Variants in TNR observed in about 807,000 individuals in gnomAD.
TNR encodes the protein tenascin-R.
In TNR, 45 loss-of-function variants were observed where a neutral mutation model predicts 150.4. That is an observed-to-expected ratio of 0.30 (90% CI 0.24 to 0.38). The LOEUF is 0.38. Ranked by LOEUF, TNR falls within the 10% of genes least tolerant of loss-of-function variation. The pLI, the probability that TNR is intolerant of heterozygous loss-of-function variation, is 1.00. For synonymous variants in TNR, 687 were observed against 678.4 expected (o/e 1.01, Z -0.20); for missense variants, 1,544 against 1,759.1 (o/e 0.88, Z 2.19).
At chr1:175,428,525 C>T (rs183640700) in intron 2 of TNR, among the ~76,000 whole-genome samples, 157 of 152,180 alleles carry the variant, frequency 1.0e-3, no homozygotes, top group Non-Finnish European at 1.7e-3. Flanking sequence ...CCCTGGAAGT[C>T]GAAGTTATTA....
intron 20 of TNR, among the ~76,000 whole-genome samples, chr1:175,331,007 T>TTCTTTCTTTCTTTCTTTCTTTCTTTC (rs1649733270): frequency 2.4e-5 from 1 of 42,116 alleles, no homozygotes; most frequent in Non-Finnish European, 4.7e-5. Flanking sequence ...GATTCTTTCT[T>TTCTTTCTTTCTTTCTTTCTTTCTTTC]TCTTTCTTTC....
intron 1 of TNR, among the ~76,000 whole-genome samples, chr1:175,580,025 G>C (rs1662287956): frequency 6.6e-6 from 1 of 152,152 alleles, no homozygotes; most frequent in Non-Finnish European, 1.5e-5. Flanking sequence ...CCACCATCAA[G>C]GCATTCACCT....
chr1:175,323,048 A>G lies in TNR; in HGVS notation c.*309T>C, dbSNP rs1037127877. 1 of 243,100 alleles carries G rather than the reference A, an allele frequency of 4.1e-6. No individual in the cohort carries two copies. The highest frequency in any genetic ancestry group is 2.2e-5 in the African/African-American group (1 of 44,484). The allele number at this position is 243,100 out of a possible 1,614,324, so 15.1% of individuals were successfully genotyped here. A position where few individuals can be genotyped will look rare whatever the true frequency, so the allele number is the denominator to read the frequency against. On this transcript the variant is annotated 3_prime_UTR_variant, in exon 23 of 23. Coordinates refer to ENST00000367674, the MANE Select transcript of TNR (RefSeq NM_003285.3). ...AAATGTGTGTGCCTGTCACCATAAC[A>G]ATCTGCACCCCACGACTTGGCTTTG...
intron 2 of TNR, among the ~76,000 whole-genome samples, chr1:175,495,020 A>T (rs1375604756): frequency 6.6e-6 from 1 of 152,188 alleles, no homozygotes; most frequent in African/African-American, 2.4e-5. Context: ...CACTGTCTTC[A>T]GCGTTCACTT....
At chr1:175,663,334 G>A (rs875410) in intron 1 of TNR, among the ~76,000 whole-genome samples, 3,064 of 152,290 alleles carry the variant, frequency 0.02, 100 homozygotes, top group African/African-American at 0.07. Context: ...GTATGAGGGA[G>A]AAGAGAACTG....
chr1:175,661,387 T>C (rs10753108), intron 1 of TNR, among the ~76,000 whole-genome samples: 69,698 of 151,948 alleles, frequency 0.46, 17,124 homozygotes, highest in Admixed American at 0.58. Flanking sequence ...CCCTAAATGT[T>C]GATGTAATTG....
intron 1 of TNR, among the ~76,000 whole-genome samples, chr1:175,568,503 C>A (rs868841750): frequency 9.8e-5 from 15 of 152,298 alleles, no homozygotes; most frequent in African/African-American, 3.6e-4. Flanking sequence ...GATCTGTCTC[C>A]CTCCATCCAT....
chr1:175,682,723 A>G (rs927841343), intron 1 of TNR, among the ~76,000 whole-genome samples: 3 of 151,984 alleles, frequency 2.0e-5, no homozygotes, highest in African/African-American at 7.3e-5. Flanking sequence ...GACTGCTTGG[A>G]CTTCAGGTGG....
intron 2 of TNR, among the ~76,000 whole-genome samples, chr1:175,446,331 T>G (rs1656043408): frequency 6.6e-6 from 1 of 152,224 alleles, no homozygotes. Flanking sequence ...GAAGCGGGGC[T>G]CTGTCACATC....
intron 1 of TNR, among the ~76,000 whole-genome samples, chr1:175,590,052 C>T (rs576499209): frequency 1.3e-5 from 2 of 152,216 alleles, no homozygotes; most frequent in East Asian, 3.9e-4. Flanking sequence ...GCCTCAGACC[C>T]TAGTATGATT....
intron 2 of TNR, among the ~76,000 whole-genome samples, chr1:175,479,968 T>C (rs990857610): frequency 1.1e-4 from 16 of 152,240 alleles, no homozygotes; most frequent in African/African-American, 3.9e-4. Context: ...CCTGTCTTCA[T>C]GTTCCTCAGA....
intron 2 of TNR, among the ~76,000 whole-genome samples, chr1:175,442,421 A>G (rs1475472289): frequency 1.3e-5 from 2 of 148,856 alleles, no homozygotes; most frequent in East Asian, 1.9e-4. Flanking sequence ...AGAGGGTGGA[A>G]GATCTGGAGA....
At position 175,331,051 on chromosome 1, in the gene TNR, T is replaced by TTCTTTCTG. The variant is rs1553203321; in HGVS notation, c.3632-817_3632-816insCAGAAAGA. Among the ~76,000 whole-genome samples, 400 of 106,768 alleles carry TTCTTTCTG rather than the reference T, an allele frequency of 3.7e-3. 13 individuals carry two copies. Among genetic ancestry groups the TTCTTTCTG allele is most frequent in the African/African-American group, 0.014 (376 of 27,850 alleles). The allele number at this position is 106,768 out of a possible 152,430, so 70.0% of individuals were successfully genotyped here. ...TTTCTTTCTTTCTTTCTTTCTTTCTTTCTTTCTTTCTTTCTTTCTTTCTTT... is the reference window on the plus strand; with the variant it reads ...TTTCTTTCTTTCTTTCTTTCTTTCTTTCTTTCTGTCTTTCTTTCTTTCTTTCTTTCTTT... On this transcript the variant is annotated intron_variant, in intron 20 of 22. Transcript: ENST00000367674.
rs558051262 is a variant in TNR, at chr1:175,608,642, C to T, written c.-164-80273G>A. Among the ~76,000 whole-genome samples the T allele has an allele frequency of 2.6e-5, 4 of 152,242 alleles. No individual in the cohort carries two copies. The South Asian group carries it at 6.2e-4, about 24-fold the overall frequency. ...AAACTGACAAGGGATTGAGATATAG[C>T]ATGTTCAAGGAGCTTCTGTAAATCA... On this transcript the variant is annotated intron_variant, in intron 1 of 22. Transcript: ENST00000367674.
At chr1:175,736,438 G>A (rs748912066) in intron 1 of TNR, among the ~76,000 whole-genome samples, 13 of 151,954 alleles carry the variant, frequency 8.6e-5, no homozygotes, top group South Asian at 4.2e-4. Flanking sequence ...AGAGAATGGC[G>A]TGAACCCGGG....
chr1:175,507,931 C>T (rs1659024662), intron 2 of TNR, among the ~76,000 whole-genome samples: 1 of 152,074 alleles, frequency 6.6e-6, no homozygotes, highest in Admixed American at 6.6e-5. Flanking sequence ...TGTTTTTTCT[C>T]CTTTTGAATT....
intron 1 of TNR, among the ~76,000 whole-genome samples, chr1:175,605,060 A>T (rs1425160930): frequency 6.6e-6 from 1 of 152,206 alleles, no homozygotes; most frequent in Non-Finnish European, 1.5e-5. Context: ...TAGGCAAAAG[A>T]TGGAATGACA....
intron 18 of TNR, among the ~76,000 whole-genome samples, chr1:175,345,510 CAAAT>C (rs1464997469): frequency 3.3e-5 from 5 of 151,836 alleles, no homozygotes; most frequent in African/African-American, 7.3e-5. Context: ...TTTTAAAAAT[CAAAT>C]AAATAAAAAT....
At chr1:175,392,512 C>G (rs1003487848) in intron 6 of TNR, among the ~76,000 whole-genome samples, 1 of 152,106 alleles carries the variant, frequency 6.6e-6, no homozygotes, top group African/African-American at 2.4e-5. Context: ...GAGAACCTGG[C>G]GTAATTTTTC....
Sources: allele counts gnomAD v4.1 joint callset (sites outside exome capture counted in the v4.1 genomes callset), GRCh38; gene constraint gnomAD v4.1.1; transcripts MANE v1.5; gene names NCBI Gene and HGNC (gene_info 2026-07-23, HGNC 2026-07-21).